AP1S2: variants seen among roughly 807,000 people sequenced by gnomAD.
AP1S2 encodes the protein adaptor related protein complex 1 subunit sigma 2, also known as AP-1 complex subunit sigma-2.
Under a neutral mutation model 14.3 loss-of-function variants are expected in AP1S2, and 1 was observed. The ratio of observed to expected loss-of-function variants is 0.07; its 90% CI spans 0.02 to 0.33. The LOEUF (loss-of-function observed/expected upper bound fraction) is 0.33. Ranked by LOEUF, AP1S2 falls within the 10% of genes least tolerant of loss-of-function variation. The pLI is 0.99. For synonymous variants in AP1S2, 30 were observed against 40.5 expected, an observed-to-expected ratio of 0.74 and a Z score of 0.99; for missense variants, 30 against 117.7, an observed-to-expected ratio of 0.25 and a Z score of 3.45.
chrX:15,843,116 T>G (rs934138023), intron 4 of AP1S2, among the ~76,000 whole-genome samples: 1 of 111,267 alleles, frequency 9.0e-6, no homozygotes, highest in Non-Finnish European at 1.9e-5. Context: ...TATATATACA[T>G]ATGTACATAT....
In AP1S2 at chrX:15,826,702, A is replaced by T. The variant is rs1454192543; in HGVS notation, c.*623T>A. The stretch of plus-strand genomic sequence containing the variant: ...ATCCTGTTTCTCATCCCAGATTCAG[A>T]ATGCCTAAGAAATAATTTTTAGTGT... On this transcript the variant is annotated 3_prime_UTR_variant, in exon 6 of 6. Coordinates refer to ENST00000672987, the MANE Select transcript of AP1S2 (RefSeq NM_001272071.2). 1.8e-5 allele frequency: 2 copies of T among 109,842 alleles called. No individual in the cohort carries two copies. Among genetic ancestry groups the T allele is most frequent in the African/African-American group, 6.6e-5 (2 of 30,086 alleles). 9.1% of individuals were successfully genotyped at this position (109,842 alleles called of 1,213,427 possible). A position where few individuals can be genotyped will look rare whatever the true frequency, so the allele number is the denominator to read the frequency against.
At chrX:15,852,208 C>A in intron 2 of AP1S2, 138 bp downstream of exon 2, 1 of 584,731 alleles carries the variant, frequency 1.7e-6, no homozygotes, top group South Asian at 3.3e-5. Context: ...ATTTTAAAAA[C>A]ACAAAGCTTT....
chrX:15,845,594 T>C, intron 3 of AP1S2, 78 bp from the exon 4 acceptor site: 1 of 1,114,693 alleles, frequency 9.0e-7, no homozygotes, highest in Non-Finnish European at 1.2e-6. Context: ...TTATTCACTA[T>C]CAGGTAGTGA....
Position 15,834,439 on chromosome X carries a change from AATATATATAT to A in AP1S2, c.427-6249_427-6240del, listed in dbSNP as rs1161066866. 5.8e-3 allele frequency among the ~76,000 whole-genome samples: 145 copies of A among 25,132 alleles called. 2 individuals carry two copies. Among genetic ancestry groups the A allele is most frequent in the Admixed American group, 8.7e-3 (16 of 1,832 alleles). The allele number at this position is 25,132 out of a possible 115,157, so 21.8% of individuals were successfully genotyped here. On this transcript the variant is annotated intron_variant, in intron 4 of 5. Coordinates refer to ENST00000672987, the MANE Select transcript of AP1S2 (RefSeq NM_001272071.2). ...ATTCCACTCCCATTCTCCCTTCCAA[AATATATATAT>A]ATATATATATATATATATATATATA...
chrX:15,829,896 C>T (rs909055438), intron 4 of AP1S2, among the ~76,000 whole-genome samples: 4 of 111,501 alleles, frequency 3.6e-5, no homozygotes, highest in Non-Finnish European at 5.7e-5. Flanking sequence ...TGTGAATAAA[C>T]TTAACTAACA....
At chrX:15,830,826 G>A (rs1933413448) in intron 4 of AP1S2, 1 of 754,683 alleles carries the variant, frequency 1.3e-6, no homozygotes, top group African/African-American at 2.3e-5. Context: ...AACAGATATT[G>A]CAGAACAGAC....
chrX:15,854,716 G>A lies in AP1S2; in HGVS notation c.-29C>T. ...GGCCGCGGGCCGCGGGCGCGGCGGAGCTTGGCCGGCGGCGGCGGCGGCGGC... is the reference window on the plus strand; with the variant it reads ...GGCCGCGGGCCGCGGGCGCGGCGGAACTTGGCCGGCGGCGGCGGCGGCGGC... On this transcript the variant is annotated 5_prime_UTR_variant, in exon 1 of 6. Transcript: ENST00000672987. 1 of 793,663 alleles carries A rather than the reference G, an allele frequency of 1.3e-6. No individual in the cohort carries two copies. The highest frequency in any genetic ancestry group is 1.5e-6 in the Non-Finnish European group (1 of 665,200). 65.4% of individuals were successfully genotyped at this position (793,663 alleles called of 1,213,427 possible).
intron 4 of AP1S2, chrX:15,833,342 G>A: frequency 1.2e-6 from 1 of 858,505 alleles, no homozygotes; most frequent in Non-Finnish European, 1.4e-6. Context: ...CTTATACCCT[G>A]ACACACCTTT....
At chrX:15,831,088 C>T in intron 4 of AP1S2, 1 of 742,647 alleles carries the variant, frequency 1.3e-6, no homozygotes, top group Non-Finnish European at 1.6e-6. Flanking sequence ...TTTTTTTAAC[C>T]TCCATATTTG....
chrX:15,840,781 A>G (rs1280996561), intron 4 of AP1S2, among the ~76,000 whole-genome samples: 11 of 112,300 alleles, frequency 9.8e-5, no homozygotes, highest in African/African-American at 3.2e-4. Flanking sequence ...CAAGTATTGC[A>G]AAGAATATCA....
At position 15,827,520 on chromosome X, in the gene AP1S2, T is replaced by C. The variant is rs1346566160; in HGVS notation, c.436-148A>G. 9 of 582,603 alleles carry C rather than the reference T, an allele frequency of 1.5e-5. No homozygotes were observed. The East Asian group carries it at 3.1e-4, about 20-fold the overall frequency. The allele number at this position is 582,603 out of a possible 1,213,427, so 48.0% of individuals were successfully genotyped here. On this transcript the variant is annotated intron_variant, in intron 5 of 5. Coordinates refer to ENST00000672987, the MANE Select transcript of AP1S2 (RefSeq NM_001272071.2). The stretch of plus-strand genomic sequence containing the variant: ...CATTCTAGTTGACAGCCATTGGTTA[T>C]TTAGGGTTTTGTGCCCTCAAAATTG...
At position 15,845,366 on chromosome X, in the gene AP1S2, A is replaced by C; in HGVS notation, c.426+13T>G. On this transcript the variant is annotated intron_variant, in intron 4 of 5. Transcript: ENST00000672987. ...AACATGCTAGTGCCTAGTGAAGAGA[A>C]TAAGTAGCTTACCTCCTGCAGTAGA... is the stretch of plus-strand genomic sequence containing the variant. 2 of 1,209,595 alleles carry C rather than the reference A, an allele frequency of 1.7e-6. No homozygotes were observed. Among genetic ancestry groups the C allele is most frequent in the Non-Finnish European group, 2.2e-6 (2 of 894,936 alleles).
At chrX:15,829,781 T>C (rs981060824) in intron 4 of AP1S2, among the ~76,000 whole-genome samples, 1 of 111,304 alleles carries the variant, frequency 9.0e-6, no homozygotes, top group Non-Finnish European at 1.9e-5. Context: ...CGAATGGTGG[T>C]TGCCAGGGGC....
At chrX:15,852,138 C>G (rs1055253383) in intron 2 of AP1S2, among the ~76,000 whole-genome samples, 1 of 112,149 alleles carries the variant, frequency 8.9e-6, no homozygotes, top group Non-Finnish European at 1.9e-5. Context: ...AACTAGTTTT[C>G]AAAGGATTTC....
At chrX:15,849,854 C>T (rs1186247492) in intron 2 of AP1S2, among the ~76,000 whole-genome samples, 1 of 111,619 alleles carries the variant, frequency 9.0e-6, no homozygotes, top group Non-Finnish European at 1.9e-5. Context: ...TGAGTGGTTA[C>T]CACCTCGTCT....
At chrX:15,837,896 C>T (rs779282789) in intron 4 of AP1S2, among the ~76,000 whole-genome samples, 2 of 111,193 alleles carry the variant, frequency 1.8e-5, no homozygotes, top group Non-Finnish European at 3.8e-5. Flanking sequence ...TGAGCCACCG[C>T]GCCTGGCCTA....
chrX:15,839,407 T>G (rs1245012843), intron 4 of AP1S2, among the ~76,000 whole-genome samples: 1 of 111,826 alleles, frequency 8.9e-6, no homozygotes, highest in Non-Finnish European at 1.9e-5. Flanking sequence ...TTAAAACAAT[T>G]TAAGATATTC....
At chrX:15,833,820 G>A (rs1263313429) in intron 4 of AP1S2, among the ~76,000 whole-genome samples, 1 of 111,639 alleles carries the variant, frequency 9.0e-6, no homozygotes, top group Non-Finnish European at 1.9e-5. Flanking sequence ...GAATTAGGGA[G>A]GGTGAGAGTA....
chrX:15,851,663 G>A (rs751740614), intron 2 of AP1S2, among the ~76,000 whole-genome samples: 4 of 111,758 alleles, frequency 3.6e-5, no homozygotes, highest in Non-Finnish European at 7.5e-5. Context: ...AAATAAAGAC[G>A]TATAGCATTA....
Sources: gnomAD v4.1 joint callset for allele counts (sites outside exome capture counted in the v4.1 genomes callset) on GRCh38, gnomAD v4.1.1 for gene constraint, MANE v1.5 for transcripts, NCBI Gene and HGNC (gene_info 2026-07-23, HGNC 2026-07-21) for gene names.